DMXL1: variants seen among roughly 807,000 people sequenced by gnomAD.
The protein encoded by DMXL1 is Dmx like 1.
A neutral mutation model predicts 319.2 loss-of-function variants in DMXL1; 99 were observed. That is an observed-to-expected ratio of 0.31 (90% CI 0.26 to 0.37). The LOEUF (loss-of-function observed/expected upper bound fraction) is 0.37, where lower values mean the gene tolerates loss of function less well. Ranked by LOEUF, DMXL1 falls within the 10% of genes least tolerant of loss-of-function variation. The pLI, the probability that DMXL1 is intolerant of heterozygous loss-of-function variation, is 1.00. For missense variants in DMXL1, 3,745 were observed against 3,595.6 expected (o/e 1.04, Z -1.06); for synonymous variants, 1,385 against 1,235.2 (o/e 1.12, Z -2.54).
rs547426815 is a variant in DMXL1, at chr5:119,207,609, C to G, written c.7926+713C>G. 9.8e-5 allele frequency among the ~76,000 whole-genome samples: 15 copies of G among 152,288 alleles called. No homozygotes were observed. The East Asian group carries it at 2.7e-3, about 27-fold the overall frequency. ...TCTTGGTTCAGTGCAACCTCTGCCC[C>G]CCAGGTTCAAGCGATTCTCCTGCCT... is the stretch of plus-strand genomic sequence containing the variant. On this transcript the variant is annotated intron_variant, in intron 34 of 43. Transcript: ENST00000539542.
chr5:119,203,514 GT>G (rs1440042848), intron 33 of DMXL1, 78 bp downstream of exon 33: 6 of 795,720 alleles, frequency 7.5e-6, no homozygotes, highest in South Asian at 2.7e-5. Context: ...AAAATGAGTT[GT>G]ATTTTACAGA....
At chr5:119,113,342 AGCAATTCTCCT>A (rs1003809274) in intron 5 of DMXL1, among the ~76,000 whole-genome samples, 3 of 152,142 alleles carry the variant, frequency 2.0e-5, no homozygotes, top group African/African-American at 7.2e-5. Flanking sequence ...CCTGGGTTCA[AGCAATTCTCCT>A]GCCTCAGCCT....
intron 32 of DMXL1, 66 bp from the exon 33 acceptor site, chr5:119,203,253 G>C (rs1781143804): frequency 2.0e-6 from 2 of 1,019,896 alleles, no homozygotes; most frequent in Non-Finnish European, 2.9e-6. Context: ...TGGCACCAAG[G>C]AATTGTTATC....
At chr5:119,148,191 A>C (rs778163519) in intron 17 of DMXL1, among the ~76,000 whole-genome samples, 1 of 152,158 alleles carries the variant, frequency 6.6e-6, no homozygotes, top group Non-Finnish European at 1.5e-5. Flanking sequence ...TACCTCAATC[A>C]TGAAGGGCCC....
At chr5:119,142,340 C>T (rs1341093126) in intron 13 of DMXL1, among the ~76,000 whole-genome samples, 2 of 151,788 alleles carry the variant, frequency 1.3e-5, no homozygotes, top group African/African-American at 2.4e-5. Context: ...CTTAAATTTA[C>T]AAGAGAAAAA....
Position 119,171,772 on chromosome 5 carries a change from T to C in DMXL1, c.6490-6T>C. ...GGTTAACCTTTTATCCCTCTTTGTTTTTAAGGAAACATCAGAACCACTATT... is the reference window on the plus strand; with the variant it reads ...GGTTAACCTTTTATCCCTCTTTGTTCTTAAGGAAACATCAGAACCACTATT... On this transcript the variant is annotated splice_polypyrimidine_tract_variant and splice_region_variant and intron_variant, in intron 24 of 43. Coordinates refer to ENST00000539542, the MANE Select transcript of DMXL1 (RefSeq NM_001290321.3). 6.2e-7 allele frequency: 1 copy of C among 1,600,242 alleles called. No individual in the cohort carries two copies. Among genetic ancestry groups the C allele is most frequent in the Non-Finnish European group, 8.5e-7 (1 of 1,174,188 alleles).
At chr5:119,126,147 G>A (rs559538579) in intron 9 of DMXL1, among the ~76,000 whole-genome samples, 2 of 152,262 alleles carry the variant, frequency 1.3e-5, no homozygotes, top group South Asian at 4.1e-4. Context: ...GCCAGGCGTG[G>A]TGGTGTCTGC....
Position 119,133,698 on chromosome 5 carries a change from A to G in DMXL1, c.1774A>G (p.Ile592Val). The change falls in exon 12 of 44, where the codon ATT becomes GTT. Residue 592 changes from isoleucine (I) to valine (V), a missense_variant. By Grantham distance (29) the Ile-to-Val change is conservative. This residue lies in a region of DMXL1 where 2,096 missense variants were observed against 1,985.4 expected (regional missense o/e 1.06). Transcript: ENST00000539542. Reference sequence around the variant, plus strand: ...ATCATCTAATAGTTTAAAATTAAGTATTTTTACGCCTAATGTTATGATGAT... The same window carrying G: ...ATCATCTAATAGTTTAAAATTAAGTGTTTTTACGCCTAATGTTATGATGAT... The part of the protein sequence containing the change: ...NKSSNSLKLS[I>V]FTPNVMMISK... 1 of 1,614,136 alleles carries G rather than the reference A, an allele frequency of 6.2e-7. No homozygotes were observed. The highest frequency in any genetic ancestry group is 8.5e-7 in the Non-Finnish European group (1 of 1,180,006).
chr5:119,224,698 T>C lies in DMXL1; in HGVS notation c.8278-11T>C, dbSNP rs761443182. 8.8e-7 allele frequency: 1 copy of C among 1,138,812 alleles called. No individual in the cohort carries two copies. The highest frequency in any genetic ancestry group is 2.8e-5 in the East Asian group (1 of 35,266). The allele number at this position is 1,138,812 out of a possible 1,614,324, so 70.5% of individuals were successfully genotyped here. A position where few individuals can be genotyped will look rare whatever the true frequency, so the allele number is the denominator to read the frequency against. ...TATTATGCCTATAAAATAATTTTTCTATTTTACCAGATGATTAAGAAAGCC... is the reference window on the plus strand; with the variant it reads ...TATTATGCCTATAAAATAATTTTTCCATTTTACCAGATGATTAAGAAAGCC... On this transcript the variant is annotated splice_polypyrimidine_tract_variant and intron_variant, in intron 37 of 43. Transcript: ENST00000539542.
intron 13 of DMXL1, among the ~76,000 whole-genome samples, chr5:119,141,978 G>C (rs1038341127): frequency 1.3e-5 from 2 of 152,152 alleles, no homozygotes; most frequent in African/African-American, 4.8e-5. Context: ...ACAACTGTCT[G>C]ATCTTTGACA....
At chr5:119,231,285 A>G (rs1203966175) in intron 38 of DMXL1, among the ~76,000 whole-genome samples, 1 of 152,196 alleles carries the variant, frequency 6.6e-6, no homozygotes. Context: ...AATTAGCTGG[A>G]GTTCCAGTTG....
intron 9 of DMXL1, among the ~76,000 whole-genome samples, 159 bp downstream of exon 9, chr5:119,121,298 T>G (rs752498553): frequency 6.6e-6 from 1 of 152,166 alleles, no homozygotes; most frequent in Non-Finnish European, 1.5e-5. Context: ...ATTATTTATT[T>G]TTATTGATCA....
At chr5:119,221,278 A>G (rs1299590540) in intron 37 of DMXL1, among the ~76,000 whole-genome samples, 197 bp downstream of exon 37, 1 of 152,196 alleles carries the variant, frequency 6.6e-6, no homozygotes, top group African/African-American at 2.4e-5. Context: ...TGTTTTAAAA[A>G]TATACTTTGC....
At position 119,074,457 on chromosome 5, in the gene DMXL1, A is replaced by T. The variant is rs1207702000; in HGVS notation, c.87+2801A>T. Reference sequence around the variant, plus strand: ...AATTCCTCCCTTTGCATGTTTGCAGATAACTTACGTGTTCTTGGTTTGAAA... The same window carrying T: ...AATTCCTCCCTTTGCATGTTTGCAGTTAACTTACGTGTTCTTGGTTTGAAA... On this transcript the variant is annotated intron_variant, in intron 1 of 43. Coordinates refer to ENST00000539542, the MANE Select transcript of DMXL1 (RefSeq NM_001290321.3). Among the ~76,000 whole-genome samples the T allele has an allele frequency of 1.3e-5, 2 of 152,220 alleles. 1 individual carries two copies. The highest frequency in any genetic ancestry group is 3.8e-4 in the East Asian group (2 of 5,202).
Position 119,149,464 on chromosome 5 carries a change from C to T in DMXL1, c.3637C>T (p.Pro1213Ser), listed in dbSNP as rs770307083. The stretch of plus-strand genomic sequence containing the variant: ...CCTAGTTTCTTCTGTAGATGGCTCC[C>T]CACCTTTTCCTGTTTCTTTATCGTG... ...VDLVSSVDGS[P>S]PFPVSLSWVR... Residue 1213 changes from proline to serine, a missense_variant, in exon 18 of 44, where the codon CCA becomes TCA. Pro to Ser is a moderately conservative substitution (Grantham distance 74). Transcript: ENST00000539542. 1.9e-6 allele frequency: 3 copies of T among 1,613,934 alleles called. No individual in the cohort carries two copies. Among genetic ancestry groups the T allele is most frequent in the Non-Finnish European group, 1.7e-6 (2 of 1,179,890 alleles).
At chr5:119,148,201 C>T (rs952327885) in intron 17 of DMXL1, among the ~76,000 whole-genome samples, 2 of 152,086 alleles carry the variant, frequency 1.3e-5, no homozygotes, top group Non-Finnish European at 2.9e-5. Flanking sequence ...ATGAAGGGCC[C>T]TGTAAAGTGA....
intron 29 of DMXL1, among the ~76,000 whole-genome samples, chr5:119,190,347 G>C (rs1778490932): frequency 6.6e-6 from 1 of 152,154 alleles, no homozygotes; most frequent in Admixed American, 6.5e-5. Context: ...TGTTACCACA[G>C]TGTATTAAAT....
intron 19 of DMXL1, among the ~76,000 whole-genome samples, chr5:119,156,918 G>A (rs534086164): frequency 2.0e-5 from 3 of 151,688 alleles, no homozygotes; most frequent in Non-Finnish European, 4.4e-5. Flanking sequence ...GCATTTTCCT[G>A]ATGATTATAG....
chr5:119,131,537 C>G (rs972798456), intron 10 of DMXL1, among the ~76,000 whole-genome samples: 1 of 152,158 alleles, frequency 6.6e-6, no homozygotes, highest in African/African-American at 2.4e-5. Context: ...AAATTACACT[C>G]AAATAATGTA....
Sources: allele counts gnomAD v4.1 joint callset (sites outside exome capture counted in the v4.1 genomes callset), GRCh38; gene constraint gnomAD v4.1.1; regional missense constraint gnomAD v4.1.1; transcripts MANE v1.5; gene names NCBI Gene and HGNC (gene_info 2026-07-23, HGNC 2026-07-21).